The following COL22A1 variants were observed in gnomAD, a reference collection of about 807,000 sequenced individuals.
COL22A1 encodes collagen type XXII alpha 1 chain.
In COL22A1, 221 loss-of-function variants were observed where a neutral mutation model predicts 248.9. That is an observed-to-expected ratio of 0.89 (90% CI 0.80 to 0.99). The LOEUF (loss-of-function observed/expected upper bound fraction) is 0.99. Ranked by LOEUF, COL22A1 falls within the 50% of genes least tolerant of loss-of-function variation. COL22A1 has a pLI of 0.00. For missense variants in COL22A1, 2,240 were observed against 2,179.0 expected, an observed-to-expected ratio of 1.03 and a Z score of -0.56; for synonymous variants, 891 against 793.4, an observed-to-expected ratio of 1.12 and a Z score of -2.07.
intron 22 of COL22A1, among the ~76,000 whole-genome samples, chr8:138,745,047 T>C (rs987135894): frequency 3.9e-5 from 6 of 152,218 alleles, no homozygotes; most frequent in African/African-American, 1.2e-4. Context: ...CTAAGTGACC[T>C]TGAGAAGGTC....
chr8:138,684,120 C>G (rs941878911), intron 39 of COL22A1, among the ~76,000 whole-genome samples: 1 of 151,892 alleles, frequency 6.6e-6, no homozygotes, highest in African/African-American at 2.4e-5. Flanking sequence ...CAAAATTAGT[C>G]GGGCATGGTG....
chr8:138,650,981 C>T (rs569285193), intron 45 of COL22A1, among the ~76,000 whole-genome samples: 20 of 152,282 alleles, frequency 1.3e-4, no homozygotes, highest in African/African-American at 1.9e-4. Context: ...TGCAAAAATA[C>T]GCGGAAGCTG....
intron 1 of COL22A1, among the ~76,000 whole-genome samples, chr8:138,889,666 C>G (rs1466113591): frequency 1.3e-5 from 2 of 152,148 alleles, no homozygotes; most frequent in Admixed American, 6.5e-5. Flanking sequence ...ACATATGTAA[C>G]TAACCTGCAC....
At position 138,619,520 on chromosome 8, in the gene COL22A1, G is replaced by A. The variant is rs374153315; in HGVS notation, c.3772-12C>T. ...TCTCCTGCTTTGCCCTGAGAGTAAG[G>A]AAGAAAAGAAGAGTTTGAGGACAAC... On this transcript the variant is annotated splice_polypyrimidine_tract_variant and intron_variant, in intron 52 of 64. Transcript: ENST00000303045. The A allele has an allele frequency of 1.9e-6, 3 of 1,613,314 alleles. No individual in the cohort carries two copies. The highest frequency in any genetic ancestry group is 1.3e-5 in the African/African-American group (1 of 75,016).
At chr8:138,897,283 C>T (rs1825486448) in intron 1 of COL22A1, among the ~76,000 whole-genome samples, 1 of 151,702 alleles carries the variant, frequency 6.6e-6, no homozygotes, top group Non-Finnish European at 1.5e-5. Context: ...TACAGTGGCT[C>T]ACACCTGTAA....
chr8:138,620,988 T>C (rs62530043), intron 52 of COL22A1, among the ~76,000 whole-genome samples: 77,568 of 123,356 alleles, frequency 0.63, 25,327 homozygotes, highest in Middle Eastern at 0.77. Context: ...CATCCATCCA[T>C]CCATCCACCC....
At chr8:138,866,533 A>G (rs947951745) in intron 3 of COL22A1, among the ~76,000 whole-genome samples, 13 of 152,306 alleles carry the variant, frequency 8.5e-5, no homozygotes, top group African/African-American at 2.9e-4. Flanking sequence ...TTCTCAACTC[A>G]AAACAAAAAC....
At chr8:138,661,606 G>A (rs1823964478) in intron 43 of COL22A1, among the ~76,000 whole-genome samples, 3 of 152,138 alleles carry the variant, frequency 2.0e-5, no homozygotes, top group African/African-American at 7.2e-5. Context: ...AAAGTGGGAA[G>A]GAACACATCC....
chr8:138,762,609 C>CACACACACACACA (rs35492380), intron 16 of COL22A1, 143 bp from the exon 17 acceptor site: 34 of 640,166 alleles, frequency 5.3e-5, no homozygotes, highest in East Asian at 3.2e-4. Flanking sequence ...CACACACACA[C>CACACACACACACA]AACAGCCCTA....
At chr8:138,901,333 C>G (rs1286259996) in intron 1 of COL22A1, among the ~76,000 whole-genome samples, 1 of 150,906 alleles carries the variant, frequency 6.6e-6, no homozygotes, top group Non-Finnish European at 1.5e-5. Context: ...TGGCCTCCAG[C>G]CTCAGATCCA....
chr8:138,637,026 GCAGGAAAGGGGC>G (rs1821241207), intron 47 of COL22A1, among the ~76,000 whole-genome samples: 1 of 152,080 alleles, frequency 6.6e-6, no homozygotes, highest in Non-Finnish European at 1.5e-5. Flanking sequence ...AGAGCGGGCA[GCAGGAAAGGGGC>G]CAGGGAGGCA....
In COL22A1 at chr8:138,780,947, C is replaced by G; in HGVS notation, c.1630G>C (p.Asp544His). ...SLGLPGPPGR[D>H]GSKGMRGEPG... is the part of the protein sequence containing the mutation. ...CTTACTCTCATGCCTTTGCTGCCGT[C>G]TCTCCCAGGGGGGCCGGGCAGGCCC... Residue 544 changes from aspartate (D) to histidine (H), a missense_variant, in exon 13 of 65, where the codon GAC becomes CAC. Asp to His is a moderately conservative substitution (Grantham distance 81, BLOSUM62 -1). Transcript: ENST00000303045. 6.2e-7 allele frequency: 1 copy of G among 1,613,572 alleles called. No individual in the cohort carries two copies. The highest frequency in any genetic ancestry group is 8.5e-7 in the Non-Finnish European group (1 of 1,179,756).
At position 138,780,959 on chromosome 8, in the gene COL22A1, G is replaced by A; in HGVS notation, c.1618C>T (p.Pro540Ser). The change falls in exon 13 of 65, where the codon CCC (proline) becomes TCC (serine). Residue 540 changes from proline (P) to serine (S), a missense_variant. Coordinates refer to ENST00000303045, the MANE Select transcript of COL22A1 (RefSeq NM_152888.3). ...GEKGSLGLPG[P>S]PGRDGSKGMR... ...CCTTTGCTGCCGTCTCTCCCAGGGG[G>A]GCCGGGCAGGCCCAGGGAACCCTAA... 6.2e-7 allele frequency: 1 copy of A among 1,608,000 alleles called. No homozygotes were observed. The highest frequency in any genetic ancestry group is 8.5e-7 in the Non-Finnish European group (1 of 1,178,232).
intron 41 of COL22A1, among the ~76,000 whole-genome samples, chr8:138,666,551 T>A (rs532900987): frequency 6.6e-6 from 1 of 152,364 alleles, no homozygotes; most frequent in Non-Finnish European, 1.5e-5. Context: ...AGTGCTCCCT[T>A]CATTCTACCT....
intron 22 of COL22A1, among the ~76,000 whole-genome samples, chr8:138,741,584 C>T (rs934289714): frequency 6.6e-6 from 1 of 152,156 alleles, no homozygotes; most frequent in African/African-American, 2.4e-5. Flanking sequence ...AAGCATCCCT[C>T]AACTGTAACA....
intron 39 of COL22A1, among the ~76,000 whole-genome samples, chr8:138,679,930 T>C (rs543409539): frequency 6.6e-6 from 1 of 152,160 alleles, no homozygotes; most frequent in Non-Finnish European, 1.5e-5. Context: ...GGAGGCAGCA[T>C]GACAGAAAGG....
chr8:138,767,193 T>G (rs767973835), intron 16 of COL22A1, among the ~76,000 whole-genome samples: 1 of 152,200 alleles, frequency 6.6e-6, no homozygotes, highest in Non-Finnish European at 1.5e-5. Context: ...CAATACTGCC[T>G]GGCACGTGGA....
At chr8:138,688,507 T>C in intron 37 of COL22A1, among the ~76,000 whole-genome samples, 2 of 150,940 alleles carry the variant, frequency 1.3e-5, no homozygotes, top group African/African-American at 4.9e-5. Flanking sequence ...AGTGGCAGAG[T>C]GAGACCCTGT....
Position 138,775,952 on chromosome 8 carries a change from C to T in COL22A1, c.1803+14G>A, listed in dbSNP as rs778498016. ...GGAAAGCCGTATTGATGAATGAGTGCAGACTATAAATACCTTTTCTCCTCG... is the reference window on the plus strand; with the variant it reads ...GGAAAGCCGTATTGATGAATGAGTGTAGACTATAAATACCTTTTCTCCTCG... On this transcript the variant is annotated intron_variant, in intron 16 of 64. Transcript: ENST00000303045. The T allele has an allele frequency of 1.2e-6, 2 of 1,613,372 alleles. No homozygotes were observed. The highest frequency in any genetic ancestry group is 1.7e-6 in the Non-Finnish European group (2 of 1,179,400).
Sources: gnomAD v4.1 joint callset for allele counts (sites outside exome capture counted in the v4.1 genomes callset) on GRCh38, gnomAD v4.1.1 for gene constraint, MANE v1.5 for transcripts, NCBI Gene and HGNC (gene_info 2026-07-23, HGNC 2026-07-21) for gene names.